The following CCSER1 variants were observed in gnomAD, a reference collection of about 807,000 sequenced individuals.
CCSER1 encodes the protein serine-rich coiled-coil domain-containing protein 1.
CCSER1 carries 41 observed loss-of-function variants against 82.0 expected under a neutral mutation model. That is an observed-to-expected ratio of 0.50 (90% CI 0.39 to 0.65). The LOEUF (loss-of-function observed/expected upper bound fraction) is 0.65, where lower values mean the gene tolerates loss of function less well. Among genes scored for constraint, CCSER1 ranks in the 30% least tolerant of loss-of-function variants. The pLI is 0.00. For synonymous variants in CCSER1, 414 were observed against 383.9 expected, an observed-to-expected ratio of 1.08 and a Z score of -0.92; for missense variants, 1,119 against 1,064.2, an observed-to-expected ratio of 1.05 and a Z score of -0.72.
chr4:91,418,303 T>A (rs1312774237), intron 10 of CCSER1, among the ~76,000 whole-genome samples: 98 of 113,578 alleles, frequency 8.6e-4, no homozygotes, highest in East Asian at 1.1e-3. Flanking sequence ...ATTTTTTAAT[T>A]AAAAAAAAAA....
At position 91,591,099 on chromosome 4, in the gene CCSER1, G is replaced by C. The variant is rs145413132; in HGVS notation, c.2218-7473G>C. 5.9e-4 allele frequency among the ~76,000 whole-genome samples: 90 copies of C among 152,180 alleles called. No individual in the cohort carries two copies. In the East Asian group the frequency reaches 0.015, roughly 26 times the overall value. On this transcript the variant is annotated intron_variant, in intron 10 of 10. Coordinates refer to ENST00000509176, the MANE Select transcript of CCSER1 (RefSeq NM_001145065.2). The stretch of plus-strand genomic sequence containing the variant: ...TTAGTTGTCACAACTGGGTGACAGA[G>C]AGGTACCCTGGCTTCTGTAGGTACA...
intron 8 of CCSER1, among the ~76,000 whole-genome samples, chr4:90,841,017 T>C (rs765935181): frequency 6.6e-6 from 1 of 152,130 alleles, no homozygotes; most frequent in African/African-American, 2.4e-5. Flanking sequence ...CATGTCCTGA[T>C]TGAGATTTTT....
intron 5 of CCSER1, among the ~76,000 whole-genome samples, chr4:90,528,239 A>T (rs773455750): frequency 1.6e-4 from 24 of 152,064 alleles, no homozygotes; most frequent in Admixed American, 2.6e-4. Flanking sequence ...TGTTTTGCAG[A>T]TTTTTTTTCT....
intron 10 of CCSER1, among the ~76,000 whole-genome samples, chr4:91,251,750 T>C (rs1534560): frequency 0.99 from 150,678 of 152,282 alleles, 74,549 homozygotes; most frequent in Middle Eastern, 1. Flanking sequence ...TACATACGTA[T>C]ATAGAATAGG....
intron 10 of CCSER1, among the ~76,000 whole-genome samples, chr4:91,477,903 T>G (rs1015477366): frequency 1.3e-5 from 2 of 151,810 alleles, no homozygotes; most frequent in Non-Finnish European, 3.0e-5. Context: ...GTTCCTACTG[T>G]CATTTTACAA....
chr4:91,349,806 C>T (rs1748351493), intron 10 of CCSER1, among the ~76,000 whole-genome samples: 2 of 151,376 alleles, frequency 1.3e-5, no homozygotes, highest in Admixed American at 6.6e-5. Flanking sequence ...TTGAGTTCCC[C>T]TAGAATTTTT....
chr4:90,573,548 T>G (rs1300412250), intron 5 of CCSER1, among the ~76,000 whole-genome samples: 3 of 152,314 alleles, frequency 2.0e-5, no homozygotes, highest in South Asian at 4.1e-4. Flanking sequence ...TTCTAATTTC[T>G]TCAATGAGTG....
At chr4:91,171,901 A>G (rs1335355340) in intron 10 of CCSER1, among the ~76,000 whole-genome samples, 2 of 152,062 alleles carry the variant, frequency 1.3e-5, no homozygotes, top group African/African-American at 2.4e-5. Context: ...ATTTCAATCT[A>G]TTTAAACTTT....
rs186595979 is a variant in CCSER1 at position 90,484,060 on chromosome 4, C to G, written c.1724+15706C>G. Among the ~76,000 whole-genome samples, 1,183 of 152,292 alleles carry G rather than the reference C, an allele frequency of 7.8e-3. 16 individuals are homozygous for G. The highest frequency in any genetic ancestry group is 0.027 in the African/African-American group (1,111 of 41,562). ...CACATAGTCACATATTTCTTGGAGG[C>G]TTTGTTCGTTTCTTTTTATTCTTTT... On this transcript the variant is annotated intron_variant, in intron 5 of 10. Transcript: ENST00000509176.
At chr4:90,801,708 C>T (rs972045946) in intron 7 of CCSER1, among the ~76,000 whole-genome samples, 3 of 152,006 alleles carry the variant, frequency 2.0e-5, no homozygotes, top group African/African-American at 4.8e-5. Context: ...TTAATAAATG[C>T]CATTTACTTT....
chr4:91,167,908 G>C (rs952780990), intron 10 of CCSER1, among the ~76,000 whole-genome samples: 1 of 149,192 alleles, frequency 6.7e-6, no homozygotes, highest in African/African-American at 2.5e-5. Context: ...CTGCCCGGCC[G>C]CCACCCCGTC....
intron 9 of CCSER1, among the ~76,000 whole-genome samples, chr4:91,058,362 C>T (rs1211779287): frequency 3.3e-5 from 5 of 152,058 alleles, no homozygotes; most frequent in African/African-American, 1.2e-4. Flanking sequence ...GAGCTAAAGG[C>T]CATTATCCTT....
At chr4:90,854,865 T>C (rs886296243) in intron 8 of CCSER1, among the ~76,000 whole-genome samples, 2 of 151,604 alleles carry the variant, frequency 1.3e-5, no homozygotes, top group African/African-American at 4.9e-5. Flanking sequence ...AGAAAAGAGG[T>C]TTAATTGACT....
intron 6 of CCSER1, among the ~76,000 whole-genome samples, chr4:90,711,792 T>C (rs539023191): frequency 5.4e-5 from 8 of 146,848 alleles, no homozygotes; most frequent in African/African-American, 2.0e-4. Flanking sequence ...TGGCCTGAAG[T>C]TTTTTTGTTG....
At chr4:91,558,505 CT>C (rs2110245170) in intron 10 of CCSER1, among the ~76,000 whole-genome samples, 2 of 151,640 alleles carry the variant, frequency 1.3e-5, no homozygotes, top group South Asian at 4.2e-4. Context: ...ACAATACATA[CT>C]TTGAGTAAAG....
intron 10 of CCSER1, among the ~76,000 whole-genome samples, chr4:91,393,708 TC>T (rs1751799410): frequency 6.6e-6 from 1 of 152,126 alleles, no homozygotes; most frequent in Admixed American, 6.6e-5. Context: ...GTATCTAATT[TC>T]TTTTTTTCAA....
At chr4:90,659,540 A>G (rs1297583018) in intron 6 of CCSER1, among the ~76,000 whole-genome samples, 2 of 152,092 alleles carry the variant, frequency 1.3e-5, no homozygotes, top group African/African-American at 4.8e-5. Context: ...CACTGCTACC[A>G]TACTTCCAAA....
At chr4:90,767,593 A>G (rs1334143858) in intron 7 of CCSER1, among the ~76,000 whole-genome samples, 3 of 152,236 alleles carry the variant, frequency 2.0e-5, no homozygotes, top group Non-Finnish European at 4.4e-5. Context: ...ATAAAGTTAG[A>G]TCATTCATAT....
chr4:90,169,521 G>A, intron 1 of CCSER1, among the ~76,000 whole-genome samples: 1 of 152,034 alleles, frequency 6.6e-6, no homozygotes, highest in Non-Finnish European at 1.5e-5. Flanking sequence ...ATGTTGAATA[G>A]GAGTGGTGAG....
Sources: allele counts gnomAD v4.1 joint callset (sites outside exome capture counted in the v4.1 genomes callset), GRCh38; gene constraint gnomAD v4.1.1; transcripts MANE v1.5; gene names NCBI Gene and HGNC (gene_info 2026-07-23, HGNC 2026-07-21).